The following C1QTNF7 variants were observed in gnomAD, a reference collection of about 807,000 sequenced individuals.
The protein encoded by C1QTNF7 is C1q and TNF related 7, also known as complement C1q tumor necrosis factor-related protein 7.
A neutral mutation model predicts 19.6 loss-of-function variants in C1QTNF7; 15 were observed. That is an observed-to-expected ratio of 0.76 (90% CI 0.51 to 1.18). The LOEUF is 1.18. Among genes scored for constraint, C1QTNF7 ranks in the 50% most tolerant of loss-of-function variants. C1QTNF7 has a pLI of 0.00. For missense variants in C1QTNF7, 324 were observed against 359.7 expected (o/e 0.90, Z 0.80); for synonymous variants, 142 against 137.5 (o/e 1.03, Z -0.23).
At chr4:15,389,413 A>T (rs1718469766) in intron 1 of C1QTNF7, among the ~76,000 whole-genome samples, 1 of 152,014 alleles carries the variant, frequency 6.6e-6, no homozygotes, top group Non-Finnish European at 1.5e-5. Flanking sequence ...GGAGGTAGGA[A>T]AATGAGGAGT....
intron 1 of C1QTNF7, among the ~76,000 whole-genome samples, chr4:15,343,891 G>A (rs1490628626): frequency 6.6e-6 from 1 of 152,154 alleles, no homozygotes; most frequent in African/African-American, 2.4e-5. Flanking sequence ...AGAAAACTAA[G>A]CCCCAGAGAA....
At position 15,432,155 on chromosome 4, in the gene C1QTNF7, T is replaced by C. The variant is rs1174846342; in HGVS notation, c.-8-3581T>C. On this transcript the variant is annotated intron_variant, in intron 1 of 2. Transcript: ENST00000444304. ...AATCCAGTGTGACTGGAGCTGACAA[T>C]GTGAGGAGAATAGAAGATGAAGTCA... Among the ~76,000 whole-genome samples the C allele has an allele frequency of 2.0e-5, 3 of 152,214 alleles. No homozygotes were observed. In the East Asian group the frequency reaches 5.8e-4, roughly 29 times the overall value.
chr4:15,432,587 G>A (rs1712364085), intron 1 of C1QTNF7, among the ~76,000 whole-genome samples: 1 of 152,136 alleles, frequency 6.6e-6, no homozygotes, highest in Non-Finnish European at 1.5e-5. Context: ...GTAGAGATGG[G>A]TTTCACCATA....
At chr4:15,423,184 T>G (rs183413578), upstream of C1QTNF7, among the ~76,000 whole-genome samples, 39 of 152,316 alleles carry the variant, frequency 2.6e-4, no homozygotes, top group African/African-American at 8.9e-4. Flanking sequence ...TTTGGGCAAG[T>G]CACTTCTTAC....
Position 15,435,935 on chromosome 4 carries a change from T to C in C1QTNF7, c.192T>C (p.Asp64=). 6.2e-7 allele frequency: 1 copy of C among 1,613,976 alleles called. No individual in the cohort carries two copies. The highest frequency in any genetic ancestry group is 8.5e-7 in the Non-Finnish European group (1 of 1,179,972). Reference sequence around the variant, plus strand: ...GTCGCATCGGCCTTCCAGGAAGAGATGGTAGAGACGGCAGGAAAGGAGAGA... The same window carrying C: ...GTCGCATCGGCCTTCCAGGAAGAGACGGTAGAGACGGCAGGAAAGGAGAGA... ...PHGRIGLPGR[D]GRDGRKGEKG... Residue 64 remains aspartate (D), a synonymous_variant, in exon 2 of 3, where the codon GAT becomes GAC. Transcript: ENST00000444304.
At chr4:15,419,202 A>G (rs558388516) in intron 1 of C1QTNF7, among the ~76,000 whole-genome samples, 180 of 152,326 alleles carry the variant, frequency 1.2e-3, no homozygotes, top group African/African-American at 4.0e-3. Flanking sequence ...GACATAAAAC[A>G]TACAGACCTT....
intron 1 of C1QTNF7, among the ~76,000 whole-genome samples, chr4:15,360,891 AAACT>A (rs1212875539): frequency 2.0e-5 from 3 of 152,192 alleles, no homozygotes; most frequent in Non-Finnish European, 4.4e-5. Context: ...ATCTGTACTT[AAACT>A]CACCTTAGCT....
Position 15,367,448 on chromosome 4 carries a change from G to A in C1QTNF7, c.13+27241G>A, listed in dbSNP as rs1040506856. Among the ~76,000 whole-genome samples the A allele has an allele frequency of 3.3e-5, 5 of 152,140 alleles. No individual in the cohort carries two copies. The South Asian group carries it at 6.2e-4, about 19-fold the overall frequency. On this transcript the variant is annotated intron_variant, in intron 1 of 2. Coordinates refer to the C1QTNF7 transcript ENST00000295297. ...TTTTCATCATTACCCAGTACTACCA[G>A]CACCATTTATTTATCTGGCGTTTTC...
intron 1 of C1QTNF7, among the ~76,000 whole-genome samples, chr4:15,399,628 C>T (rs901981582): frequency 6.6e-6 from 1 of 152,230 alleles, no homozygotes; most frequent in Non-Finnish European, 1.5e-5. Flanking sequence ...AGCCCTCAAA[C>T]ATTAGCTCCT....
intron 1 of C1QTNF7, among the ~76,000 whole-genome samples, chr4:15,400,206 A>C (rs1232949629): frequency 6.6e-6 from 1 of 152,230 alleles, no homozygotes; most frequent in Non-Finnish European, 1.5e-5. Context: ...CACATATTTT[A>C]ATTGTTGAGA....
intron 1 of C1QTNF7, among the ~76,000 whole-genome samples, chr4:15,357,712 A>C (rs957207221): frequency 8.5e-5 from 13 of 152,198 alleles, no homozygotes; most frequent in Admixed American, 1.3e-4. Flanking sequence ...CTTCCTATCC[A>C]TGAGCATGGA....
chr4:15,372,772 C>A (rs1717780932), intron 1 of C1QTNF7, among the ~76,000 whole-genome samples: 1 of 152,098 alleles, frequency 6.6e-6, no homozygotes, highest in East Asian at 1.9e-4. Context: ...TGTGACTGAA[C>A]AAAATATTTT....
At chr4:15,397,361 G>A (rs1457698620) in intron 1 of C1QTNF7, among the ~76,000 whole-genome samples, 1 of 152,218 alleles carries the variant, frequency 6.6e-6, no homozygotes, top group African/African-American at 2.4e-5. Context: ...TCCCACAGTG[G>A]ACTCTATAGC....
chr4:15,361,673 T>A (rs918463744), intron 1 of C1QTNF7, among the ~76,000 whole-genome samples: 1 of 152,186 alleles, frequency 6.6e-6, no homozygotes, highest in Non-Finnish European at 1.5e-5. Context: ...ATTTCGTTAA[T>A]ATGGTCTACT....
At chr4:15,340,716 TTAAA>T (rs1716508722) in intron 1 of C1QTNF7, among the ~76,000 whole-genome samples, 1 of 152,250 alleles carries the variant, frequency 6.6e-6, no homozygotes, top group Non-Finnish European at 1.5e-5. Context: ...TTTTTAAAAG[TTAAA>T]TAAATCATTT....
chr4:15,351,639 AAC>A lies in C1QTNF7; in HGVS notation c.13+11433_13+11434del, dbSNP rs1238654843. On this transcript the variant is annotated intron_variant, in intron 1 of 2. Coordinates refer to the C1QTNF7 transcript ENST00000295297. ...AGTACATCAGAATCTCTGGGGGTGG[AAC>A]CCAGGTGTGAATAATTTTTTAAAGC... Among the ~76,000 whole-genome samples, 9 of 152,264 alleles carry A rather than the reference AAC, an allele frequency of 5.9e-5. No individual in the cohort carries two copies. The East Asian group carries it at 1.5e-3, about 26-fold the overall frequency.
intron 1 of C1QTNF7, among the ~76,000 whole-genome samples, chr4:15,401,970 G>A (rs938755182): frequency 1.3e-5 from 2 of 152,140 alleles, no homozygotes; most frequent in African/African-American, 4.8e-5. Flanking sequence ...CAGAAAAAAA[G>A]GAACAGGAAA....
Position 15,442,250 on chromosome 4 carries a change from A to C in C1QTNF7, c.321A>C (p.Gly107=). 6.2e-7 allele frequency: 1 copy of C among 1,614,106 alleles called. No individual in the cohort carries two copies. Among genetic ancestry groups the C allele is most frequent in the Non-Finnish European group, 8.5e-7 (1 of 1,180,008 alleles). ...QGETGKKGPI[G]PEGEKGEVGP... ...AGACTGGGAAGAAAGGACCCATAGG[A>C]CCAGAGGGAGAGAAAGGAGAAGTAG... is the stretch of plus-strand genomic sequence containing the variant. The change falls in exon 3 of 3, where the codon GGA becomes GGC. Residue 107 remains glycine, a synonymous_variant. Transcript: ENST00000444304.
chr4:15,389,290 G>A (rs1718464490), intron 1 of C1QTNF7, among the ~76,000 whole-genome samples: 1 of 152,156 alleles, frequency 6.6e-6, no homozygotes, highest in Admixed American at 6.5e-5. Context: ...AGCCCCCAGT[G>A]GCCTAAAGGC....
Sources: allele counts gnomAD v4.1 joint callset (sites outside exome capture counted in the v4.1 genomes callset), GRCh38; gene constraint gnomAD v4.1.1; transcripts MANE v1.5; gene names NCBI Gene and HGNC (gene_info 2026-07-23, HGNC 2026-07-21).